The following RNF10 variants were observed in gnomAD, a reference collection of about 807,000 sequenced individuals.
RNF10 encodes ring finger protein 10, also known as E3 ubiquitin-protein ligase RNF10.
A neutral mutation model predicts 91.4 loss-of-function variants in RNF10; 38 were observed. The observed-to-expected ratio is 0.42, with a 90% CI of 0.32 to 0.54. The LOEUF (loss-of-function observed/expected upper bound fraction) is 0.54. Among genes scored for constraint, RNF10 ranks in the 20% least tolerant of loss-of-function variants. The probability of loss-of-function intolerance (pLI) is 0.16; values close to 1 mark genes in which losing one functional copy is unlikely to be tolerated. For synonymous variants in RNF10, 364 were observed against 366.3 expected (o/e 0.99, Z 0.07); for missense variants, 945 against 1,012.0 (o/e 0.93, Z 0.90).
At chr12:120,539,589 T>A in intron 1 of RNF10, 1 of 422,236 alleles carries the variant, frequency 2.4e-6, no homozygotes, top group Non-Finnish European at 4.5e-6. Flanking sequence ...GCCAAGTAAT[T>A]TAACTGTGAA....
intron 14 of RNF10, chr12:120,575,430 C>T: frequency 1.7e-6 from 1 of 601,926 alleles, no homozygotes; most frequent in Non-Finnish European, 3.0e-6. Context: ...GGTTTACTAC[C>T]TTGTGGGTTT....
chr12:120,537,318 A>G (rs1870966898), intron 1 of RNF10, among the ~76,000 whole-genome samples: 1 of 151,436 alleles, frequency 6.6e-6, no homozygotes, highest in South Asian at 2.1e-4. Context: ...GTCTCAAAAC[A>G]AGAAAACTTC....
chr12:120,556,685 T>A (rs10849759), intron 4 of RNF10, among the ~76,000 whole-genome samples: 39,846 of 151,896 alleles, frequency 0.26, 6,023 homozygotes, highest in East Asian at 0.5. Flanking sequence ...ACTGGTAGAT[T>A]ACTTCTAGAC....
At chr12:120,559,393 G>GT (rs1274803512) in intron 6 of RNF10, among the ~76,000 whole-genome samples, 1 of 150,554 alleles carries the variant, frequency 6.6e-6, no homozygotes, top group Admixed American at 6.6e-5. Flanking sequence ...TTTTGTTTTT[G>GT]TTTTTGTTTT....
chr12:120,561,785 A>T (rs886267223), intron 7 of RNF10, among the ~76,000 whole-genome samples: 1 of 152,156 alleles, frequency 6.6e-6, no homozygotes, highest in African/African-American at 2.4e-5. Flanking sequence ...CTTTCTTTCT[A>T]TAATACGTTG....
In RNF10 at chr12:120,577,175, T is replaced by G. The variant is rs1877503665; in HGVS notation, c.*509T>G. ...TAAAATGGATTTAGGACACCCAGTT[T>G]GAATTGCAGTTTTTTTTTTTCTGAC... On this transcript the variant is annotated 3_prime_UTR_variant, in exon 17 of 17. Coordinates refer to ENST00000325954, the MANE Select transcript of RNF10 (RefSeq NM_014868.5). 2.2e-6 allele frequency: 1 copy of G among 453,910 alleles called. No individual in the cohort carries two copies. 28.1% of individuals were successfully genotyped at this position (453,910 alleles called of 1,614,324 possible).
chr12:120,562,915 C>T (rs1489672478), intron 7 of RNF10, 30 bp from the exon 8 acceptor site: 1 of 1,613,212 alleles, frequency 6.2e-7, no homozygotes. Context: ...GAAACTTAAC[C>T]TTCTCTGGTG....
At chr12:120,564,982 A>G (rs1875463718) in intron 10 of RNF10, 90 bp from the exon 11 acceptor site, 2 of 805,116 alleles carry the variant, frequency 2.5e-6, no homozygotes, top group South Asian at 2.9e-5. Context: ...TGGCTGTGTT[A>G]TGTATATATT....
Position 120,575,689 on chromosome 12 carries a change from G to T in RNF10, c.2200+1G>T. 1 of 1,614,224 alleles carries T rather than the reference G, an allele frequency of 6.2e-7. No homozygotes were observed. Among genetic ancestry groups the T allele is most frequent in the Non-Finnish European group, 8.5e-7 (1 of 1,180,038 alleles). ...TGGCCCAAAACTGCTCCAAAGAAAG[G>T]TGAGGATGGTCCACTGGTGAAGGGG... On this transcript the variant is annotated splice_donor_variant, in intron 15 of 16. Coordinates refer to ENST00000325954, the MANE Select transcript of RNF10 (RefSeq NM_014868.5). LOFTEE classifies it high-confidence loss of function.
Position 120,534,639 on chromosome 12 carries a change from C to G in RNF10, c.-173C>G. On this transcript the variant is annotated 5_prime_UTR_variant, in exon 1 of 17. Transcript: ENST00000325954. Reference sequence around the variant, plus strand: ...CTGCCGCCGGGCTTAACAGCCCCGTCCGCCGCTTCTCTTCCTAGTTTGAGA... The same window carrying G: ...CTGCCGCCGGGCTTAACAGCCCCGTGCGCCGCTTCTCTTCCTAGTTTGAGA... 7.4e-7 allele frequency: 1 copy of G among 1,343,888 alleles called. No individual in the cohort carries two copies. The highest frequency in any genetic ancestry group is 9.5e-7 in the Non-Finnish European group (1 of 1,053,254). 83.2% of individuals were successfully genotyped at this position (1,343,888 alleles called of 1,614,324 possible).
intron 1 of RNF10, chr12:120,539,523 G>A: frequency 1.2e-6 from 1 of 855,454 alleles, no homozygotes; most frequent in Non-Finnish European, 1.7e-6. Flanking sequence ...CTTGCTGACT[G>A]GTATTCTGAC....
At chr12:120,536,443 C>T (rs1201344469) in intron 1 of RNF10, among the ~76,000 whole-genome samples, 1 of 151,920 alleles carries the variant, frequency 6.6e-6, no homozygotes, top group Non-Finnish European at 1.5e-5. Context: ...AAAAAGAAAA[C>T]TAAGGCTGAC....
intron 10 of RNF10, 70 bp from the exon 11 acceptor site, chr12:120,565,002 C>T (rs17487343): frequency 0.036 from 34,667 of 954,814 alleles, 751 homozygotes; most frequent in Non-Finnish European, 0.045. Flanking sequence ...TGTTGGATAT[C>T]GGGGTTAGGA....
chr12:120,547,997 C>A (rs1872557355), intron 2 of RNF10, among the ~76,000 whole-genome samples: 1 of 152,052 alleles, frequency 6.6e-6, no homozygotes, highest in Non-Finnish European at 1.5e-5. Flanking sequence ...AGAGCCAAGA[C>A]TTTTTGTTAG....
chr12:120,573,866 T>A (rs1210421480), intron 14 of RNF10, among the ~76,000 whole-genome samples: 1 of 152,164 alleles, frequency 6.6e-6, no homozygotes, highest in Non-Finnish European at 1.5e-5. Context: ...CCTTCTGTGG[T>A]AAGGGCAGAG....
At chr12:120,537,840 A>G (rs1290577977) in intron 1 of RNF10, among the ~76,000 whole-genome samples, 1 of 152,162 alleles carries the variant, frequency 6.6e-6, no homozygotes, top group Admixed American at 6.6e-5. Context: ...CACTGCTTGC[A>G]TTTAGGAACA....
At position 120,546,677 on chromosome 12, in the gene RNF10, G is replaced by C. The variant is rs1165600889; in HGVS notation, c.354+76G>C. The C allele has an allele frequency of 3.8e-6, 5 of 1,328,398 alleles. No individual in the cohort carries two copies. In the East Asian group the frequency reaches 1.2e-4, roughly 31 times the overall value. The allele number at this position is 1,328,398 out of a possible 1,614,324, so 82.3% of individuals were successfully genotyped here. On this transcript the variant is annotated intron_variant, in intron 2 of 16. Transcript: ENST00000325954. ...CCATCCCCCGTCCCCCAGTTTATCA[G>C]TAGTTGAGAAGGGGAACAAGAGGTA...
At chr12:120,546,915 CATT>C (rs1224585041) in intron 2 of RNF10, among the ~76,000 whole-genome samples, 1 of 152,122 alleles carries the variant, frequency 6.6e-6, no homozygotes, top group Non-Finnish European at 1.5e-5. Flanking sequence ...AATAAAATGA[CATT>C]AATGACATTT....
At chr12:120,541,985 G>A (rs1871640840) in intron 1 of RNF10, among the ~76,000 whole-genome samples, 3 of 151,252 alleles carry the variant, frequency 2.0e-5, no homozygotes, top group Admixed American at 2.0e-4. Context: ...TCCTGCCTCA[G>A]CCTCCTGAGT....
Sources: allele counts gnomAD v4.1 joint callset (sites outside exome capture counted in the v4.1 genomes callset), GRCh38; gene constraint gnomAD v4.1.1; transcripts MANE v1.5; gene names NCBI Gene and HGNC (gene_info 2026-07-23, HGNC 2026-07-21).